Variants in MAML2 observed in about 807,000 individuals in gnomAD.
The protein encoded by MAML2 is mastermind-like protein 2.
In MAML2, 22 loss-of-function variants were observed where a neutral mutation model predicts 96.1. The observed-to-expected ratio is 0.23, with a 90% CI of 0.16 to 0.33. The LOEUF (loss-of-function observed/expected upper bound fraction) is 0.33. Ranked by LOEUF, MAML2 falls within the 10% of genes least tolerant of loss-of-function variation. The probability of loss-of-function intolerance (pLI) is 1.00; values close to 1 mark genes in which losing one functional copy is unlikely to be tolerated. For synonymous variants in MAML2, 561 were observed against 521.3 expected (o/e 1.08, Z -1.04); for missense variants, 1,367 against 1,392.4 (o/e 0.98, Z 0.29).
chr11:96,235,823 A>G (rs1239024722), intron 1 of MAML2, among the ~76,000 whole-genome samples: 1 of 152,244 alleles, frequency 6.6e-6, no homozygotes, highest in African/African-American at 2.4e-5. Context: ...TTCAGTACCG[A>G]GTAAAACCCC....
At chr11:96,159,468 A>C (rs1205428344) in intron 1 of MAML2, among the ~76,000 whole-genome samples, 6 of 98,502 alleles carry the variant, frequency 6.1e-5, no homozygotes, top group Non-Finnish European at 1.2e-4. Context: ...GCTGGAGTGC[A>C]GTGGTGCGAT....
At chr11:96,258,280 G>C (rs1862696506) in intron 1 of MAML2, among the ~76,000 whole-genome samples, 1 of 151,994 alleles carries the variant, frequency 6.6e-6, no homozygotes, top group Admixed American at 6.5e-5. Flanking sequence ...AATATATCTT[G>C]GTACTAATCA....
At chr11:96,182,323 C>T (rs966701202) in intron 1 of MAML2, among the ~76,000 whole-genome samples, 8 of 152,198 alleles carry the variant, frequency 5.3e-5, no homozygotes, top group Admixed American at 1.3e-4. Context: ...CAGAGCCTTA[C>T]GCATTCAACA....
chr11:96,177,756 A>C (rs1485216751), intron 1 of MAML2, among the ~76,000 whole-genome samples: 2 of 152,210 alleles, frequency 1.3e-5, no homozygotes, highest in Non-Finnish European at 2.9e-5. Flanking sequence ...TTTCCATGAA[A>C]GATAGGATAA....
At chr11:96,250,978 G>A (rs1862574548) in intron 1 of MAML2, among the ~76,000 whole-genome samples, 3 of 151,896 alleles carry the variant, frequency 2.0e-5, no homozygotes, top group African/African-American at 7.3e-5. Flanking sequence ...ATTGGCTTTG[G>A]TTGATTTGTG....
At chr11:96,156,605 A>T (rs1861015192) in intron 1 of MAML2, among the ~76,000 whole-genome samples, 1 of 152,156 alleles carries the variant, frequency 6.6e-6, no homozygotes, top group South Asian at 2.1e-4. Flanking sequence ...TTCATGCTTC[A>T]TTTTTTCCAA....
chr11:96,172,267 A>G (rs764040935), intron 1 of MAML2, among the ~76,000 whole-genome samples: 3 of 152,236 alleles, frequency 2.0e-5, no homozygotes, highest in Non-Finnish European at 4.4e-5. Flanking sequence ...TTAACCCTCA[A>G]CAAGGTAGCT....
Position 96,092,219 on chromosome 11 carries a change from C to CTGCTGCTGCTGCTGT in MAML2, c.1811_1812insACAGCAGCAGCAGCA (p.Gln617_Gln621dup), listed in dbSNP as rs1859729560. On this transcript the variant is annotated inframe_insertion, in exon 2 of 5. Coordinates refer to ENST00000524717, the MANE Select transcript of MAML2 (RefSeq NM_032427.4). This position sits in a 1 kb window ranked among gnomAD's most constrained non-coding sequence, Gnocchi z 4.1. ...GCTGCTGCTGCTGCTGTTGCTGCTG[C>CTGCTGCTGCTGCTGT]TGCTGCTGCTGCTGCTGCTGCTGCT... The CTGCTGCTGCTGCTGT allele has an allele frequency of 3.5e-4, 18 of 51,126 alleles. No homozygotes were observed. In the Admixed American group the frequency reaches 0.01, roughly 30 times the overall value. 3.2% of individuals were successfully genotyped at this position (51,126 alleles called of 1,614,324 possible).
chr11:96,128,336 G>C (rs1860487253), intron 1 of MAML2, among the ~76,000 whole-genome samples: 1 of 152,144 alleles, frequency 6.6e-6, no homozygotes, highest in Admixed American at 6.5e-5. Flanking sequence ...GGAGGTTGCA[G>C]TGAGCCAAGA....
At chr11:96,301,932 A>G (rs1863392436) in intron 1 of MAML2, among the ~76,000 whole-genome samples, 1 of 152,214 alleles carries the variant, frequency 6.6e-6, no homozygotes, top group Non-Finnish European at 1.5e-5. Context: ...CAAGATTAAC[A>G]TTGAAGAGCT....
chr11:95,979,734 G>T lies in MAML2; in HGVS notation c.2685C>A (p.Asn895Lys), dbSNP rs778131491. The change falls in exon 5 of 5, where the codon AAC (asparagine) becomes AAA (lysine). Residue 895 changes from asparagine to lysine, a missense_variant. Asn to Lys is a moderately conservative substitution (Grantham distance 94). Transcript: ENST00000524717. ...SGMNQLTQQR[N>K]PKQLLANQNN... The stretch of plus-strand genomic sequence containing the variant: ...TTTGATTTGCTAACAATTGCTTTGG[G>T]TTTCTCTGTTGGGTCAATTGATTCA... 1 of 1,613,966 alleles carries T rather than the reference G, an allele frequency of 6.2e-7. No individual in the cohort carries two copies. Among genetic ancestry groups the T allele is most frequent in the Admixed American group, 1.7e-5 (1 of 60,022 alleles).
At position 96,093,416 on chromosome 11, in the gene MAML2, T is replaced by G; in HGVS notation, c.615A>C (p.Arg205Ser). 1 of 1,614,062 alleles carries G rather than the reference T, an allele frequency of 6.2e-7. No homozygotes were observed. Residue 205 changes from arginine to serine, a missense_variant, in exon 2 of 5, where the codon AGA becomes AGC. Physicochemically the swap from Arg to Ser is moderately radical, Grantham distance 110. Transcript: ENST00000524717. ...FVDNSFLDIK[R>S]IRVGENLSAG... ...CAGAGAGATTCTCCCCAACACGAAT[T>G]CTTTTGATATCAAGAAATGAGTTGT...
chr11:96,133,182 C>T (rs1277628432), intron 1 of MAML2, among the ~76,000 whole-genome samples: 2 of 152,086 alleles, frequency 1.3e-5, no homozygotes, highest in Non-Finnish European at 2.9e-5. Context: ...AAATTTCAAA[C>T]ATAATGAACA....
chr11:96,109,637 A>G (rs1860085652), intron 1 of MAML2, among the ~76,000 whole-genome samples: 1 of 152,222 alleles, frequency 6.6e-6, no homozygotes, highest in South Asian at 2.1e-4. Context: ...TTTCCGGATT[A>G]GTGACTGGGT....
intron 4 of MAML2, among the ~76,000 whole-genome samples, chr11:95,982,267 G>T (rs1857751740): frequency 6.6e-6 from 1 of 152,114 alleles, no homozygotes; most frequent in Admixed American, 6.6e-5. Context: ...AGACTGCTAG[G>T]TGCCTACCCA....
chr11:96,300,942 C>G (rs988498905), intron 1 of MAML2, among the ~76,000 whole-genome samples: 2 of 152,186 alleles, frequency 1.3e-5, no homozygotes, highest in Admixed American at 1.3e-4. Context: ...GTTTCCTTTT[C>G]TGTACAATGA....
intron 2 of MAML2, among the ~76,000 whole-genome samples, chr11:96,086,549 T>G (rs79721282): frequency 0.078 from 11,912 of 152,148 alleles, 1,247 homozygotes; most frequent in African/African-American, 0.24. Context: ...AGAATATGCC[T>G]GCAATATGAT....
chr11:96,317,385 A>G (rs1016532931), intron 1 of MAML2, among the ~76,000 whole-genome samples: 1 of 152,210 alleles, frequency 6.6e-6, no homozygotes, highest in South Asian at 2.1e-4. Flanking sequence ...AAGACTTGAG[A>G]GTTTCCTAAA....
In MAML2 at chr11:96,092,844, G is replaced by C; in HGVS notation, c.1187C>G (p.Ser396Cys). ...SAGPAFSMAN[S>C]ALSTSSPIPS... ...GATTGGAGACGAAGTGGAGAGGGCA[G>C]AGTTGGCCATGGAGAATGCGGGGCC... The change falls in exon 2 of 5, where the codon TCT becomes TGT. Residue 396 changes from serine to cysteine, a missense_variant. By Grantham distance (112) the Ser-to-Cys change is moderately radical. Transcript: ENST00000524717. This position sits in a 1 kb window ranked among gnomAD's most constrained non-coding sequence, Gnocchi z 4.1. 1 of 1,608,638 alleles carries C rather than the reference G, an allele frequency of 6.2e-7. No homozygotes were observed. The highest frequency in any genetic ancestry group is 8.5e-7 in the Non-Finnish European group (1 of 1,176,926).
Sources: gnomAD v4.1 joint callset for allele counts (sites outside exome capture counted in the v4.1 genomes callset) on GRCh38, gnomAD v4.1.1 for gene constraint, Gnocchi (gnomAD v3.1) non-coding constraint, MANE v1.5 for transcripts, NCBI Gene and HGNC (gene_info 2026-07-23, HGNC 2026-07-21) for gene names.